Variants in TENM4 observed in about 807,000 individuals in gnomAD.
TENM4 encodes the protein teneurin-4.
Under a neutral mutation model 243.3 loss-of-function variants are expected in TENM4, and 82 were observed. The observed-to-expected ratio is 0.34, with a 90% CI of 0.28 to 0.40. The LOEUF (loss-of-function observed/expected upper bound fraction) is 0.40, where lower values mean the gene tolerates loss of function less well. Among genes scored for constraint, TENM4 ranks in the 10% least tolerant of loss-of-function variants. The probability of loss-of-function intolerance (pLI) is 1.00; values close to 1 mark genes in which losing one functional copy is unlikely to be tolerated. For missense variants in TENM4, 3,138 were observed against 3,673.3 expected (o/e 0.85, Z 3.77); for synonymous variants, 1,412 against 1,456.3 (o/e 0.97, Z 0.69).
intron 1 of TENM4, among the ~76,000 whole-genome samples, chr11:79,392,532 G>A (rs1858256694): frequency 6.6e-6 from 1 of 152,230 alleles, no homozygotes; most frequent in Admixed American, 6.5e-5. Context: ...TGGATCACAA[G>A]GATTTGGGGT....
At chr11:79,259,345 A>G (rs1004863698) in intron 2 of TENM4, among the ~76,000 whole-genome samples, 1 of 152,130 alleles carries the variant, frequency 6.6e-6, no homozygotes. Context: ...AACAATAAAT[A>G]TTTACTATCT....
chr11:79,058,550 A>C lies in TENM4; in HGVS notation c.493+6188T>G, dbSNP rs1172035465. On this transcript the variant is annotated intron_variant, in intron 6 of 33. Coordinates refer to ENST00000278550, the MANE Select transcript of TENM4 (RefSeq NM_001098816.3). Reference sequence around the variant, plus strand: ...CAGAGTGAGACTCCATCTCAAAAAAAAAAAAACAAAAAAAAGGATAATGGA... The same window carrying C: ...CAGAGTGAGACTCCATCTCAAAAAACAAAAAACAAAAAAAAGGATAATGGA... Among the ~76,000 whole-genome samples the C allele has an allele frequency of 3.3e-5, 5 of 152,132 alleles. No homozygotes were observed. The East Asian group carries it at 5.8e-4, about 18-fold the overall frequency.
At chr11:78,808,267 T>C (rs1857431276) in intron 14 of TENM4, among the ~76,000 whole-genome samples, 1 of 152,200 alleles carries the variant, frequency 6.6e-6, no homozygotes, top group Non-Finnish European at 1.5e-5. Context: ...TTTAGGGTCT[T>C]AAAGGTGTTC....
In TENM4 at chr11:79,113,966, G is replaced by A. The variant is rs115586961; in HGVS notation, c.-66+34744C>T. Among the ~76,000 whole-genome samples, 320 of 152,316 alleles carry A rather than the reference G, an allele frequency of 2.1e-3. 1 individual carries two copies. The highest frequency in any genetic ancestry group is 7.2e-3 in the African/African-American group (298 of 41,580). ...CATGAGTTAAGGGAATTCATGAAGGGTGGGGGTTGTGATCATTCTCCCATC... is the reference window on the plus strand; with the variant it reads ...CATGAGTTAAGGGAATTCATGAAGGATGGGGGTTGTGATCATTCTCCCATC... On this transcript the variant is annotated intron_variant, in intron 4 of 33. Coordinates refer to ENST00000278550, the MANE Select transcript of TENM4 (RefSeq NM_001098816.3).
At chr11:79,244,520 T>C (rs1254630037) in intron 2 of TENM4, among the ~76,000 whole-genome samples, 4 of 151,994 alleles carry the variant, frequency 2.6e-5, no homozygotes, top group Non-Finnish European at 5.9e-5. Flanking sequence ...CAGGTGGTGA[T>C]AGGAGAGGCC....
chr11:79,127,690 A>T (rs1480385469), intron 4 of TENM4, among the ~76,000 whole-genome samples: 3 of 152,228 alleles, frequency 2.0e-5, no homozygotes, highest in Admixed American at 6.5e-5. Flanking sequence ...ACACTGGTCC[A>T]TTACATTGAT....
intron 3 of TENM4, among the ~76,000 whole-genome samples, chr11:79,178,762 C>CACAGTATCTGGCACACAGTAGGCA (rs1863223344): frequency 6.6e-6 from 1 of 152,182 alleles, no homozygotes; most frequent in Non-Finnish European, 1.5e-5. Flanking sequence ...CCCACAGGGT[C>CACAGTATCTGGCACACAGTAGGCA]CAGCACAGTC....
chr11:79,312,026 C>T (rs1294704632), intron 1 of TENM4, among the ~76,000 whole-genome samples: 2 of 152,202 alleles, frequency 1.3e-5, no homozygotes, highest in Non-Finnish European at 2.9e-5. Flanking sequence ...AGGGCTGGTG[C>T]GGACCCTCAC....
chr11:79,013,134 T>A (rs977084370), intron 6 of TENM4, among the ~76,000 whole-genome samples: 1 of 152,186 alleles, frequency 6.6e-6, no homozygotes, highest in Non-Finnish European at 1.5e-5. Context: ...TGGTGCCTCT[T>A]TCAGACATTC....
intron 1 of TENM4, among the ~76,000 whole-genome samples, chr11:79,299,547 C>A (rs932459167): frequency 6.6e-6 from 1 of 152,126 alleles, no homozygotes; most frequent in Non-Finnish European, 1.5e-5. Context: ...TATATCGATA[C>A]TTATTTACAT....
intron 32 of TENM4, 105 bp from the exon 33 acceptor site, chr11:78,661,696 G>A (rs1215861368): frequency 1.1e-5 from 15 of 1,426,624 alleles, no homozygotes; most frequent in Non-Finnish European, 1.4e-5. Flanking sequence ...TGGTGAGGGT[G>A]TGGATTGCTG....
chr11:79,277,007 CT>C (rs1247580597), intron 2 of TENM4, among the ~76,000 whole-genome samples: 1 of 152,098 alleles, frequency 6.6e-6, no homozygotes, highest in Non-Finnish European at 1.5e-5. Context: ...AATATTAGCC[CT>C]TTTGTAGAAT....
chr11:79,391,126 T>C (rs1737077983), intron 1 of TENM4, among the ~76,000 whole-genome samples: 1 of 152,176 alleles, frequency 6.6e-6, no homozygotes, highest in Admixed American at 6.5e-5. Flanking sequence ...TTTCTAAAAA[T>C]AGTTGCCACC....
intron 3 of TENM4, among the ~76,000 whole-genome samples, chr11:79,196,009 C>T (rs1234682104): frequency 6.6e-6 from 1 of 152,132 alleles, no homozygotes; most frequent in Non-Finnish European, 1.5e-5. Flanking sequence ...GTGAATAAGC[C>T]TCACGAGATC....
chr11:78,957,444 G>A (rs1454602244), intron 6 of TENM4, among the ~76,000 whole-genome samples: 1 of 152,138 alleles, frequency 6.6e-6, no homozygotes. Context: ...GACTTAAAAG[G>A]ACCTTGGTTG....
intron 26 of TENM4, among the ~76,000 whole-genome samples, chr11:78,710,791 G>A (rs1859379408): frequency 6.6e-6 from 1 of 152,210 alleles, no homozygotes; most frequent in Admixed American, 6.5e-5. Context: ...ATTTCTATGT[G>A]GGTTAATCAT....
At chr11:79,158,831 T>C (rs1328651738) in intron 3 of TENM4, among the ~76,000 whole-genome samples, 1 of 152,158 alleles carries the variant, frequency 6.6e-6, no homozygotes, top group African/African-American at 2.4e-5. Flanking sequence ...GGAGTTTCAA[T>C]GGCCACCAGC....
At chr11:78,747,824 T>A (rs1361686361) in intron 19 of TENM4, among the ~76,000 whole-genome samples, 1 of 152,256 alleles carries the variant, frequency 6.6e-6, no homozygotes, top group African/African-American at 2.4e-5. Flanking sequence ...GCTTAAAATT[T>A]CTCAGTGTTG....
At chr11:79,134,351 A>G (rs569382577) in intron 4 of TENM4, among the ~76,000 whole-genome samples, 45 of 152,188 alleles carry the variant, frequency 3.0e-4, no homozygotes, top group Non-Finnish European at 5.9e-4. Flanking sequence ...CATAGATGAC[A>G]CAAATAAATG....
Sources: gnomAD v4.1 joint callset for allele counts (sites outside exome capture counted in the v4.1 genomes callset) on GRCh38, gnomAD v4.1.1 for gene constraint, MANE v1.5 for transcripts, NCBI Gene and HGNC (gene_info 2026-07-23, HGNC 2026-07-21) for gene names.